Variants in CBL observed in about 807,000 individuals in gnomAD.
CBL encodes the protein E3 ubiquitin-protein ligase CBL.
Under a neutral mutation model 96.9 loss-of-function variants are expected in CBL, and 45 were observed. The ratio of observed to expected loss-of-function variants is 0.46; its 90% CI spans 0.37 to 0.60. The LOEUF (loss-of-function observed/expected upper bound fraction) is 0.60. Among genes scored for constraint, CBL ranks in the 20% least tolerant of loss-of-function variants. The pLI, the probability that CBL is intolerant of heterozygous loss-of-function variation, is 0.00. For missense variants in CBL, 1,024 were observed against 1,143.5 expected (o/e 0.90, Z 1.51); for synonymous variants, 420 against 426.8 (o/e 0.98, Z 0.20).
At position 119,306,499 on chromosome 11, in the gene CBL, GC is replaced by G. The variant is rs1950142677; in HGVS notation, c.*6720del. 2.5e-6 allele frequency: 1 copy of G among 397,432 alleles called. No homozygotes were observed. 24.6% of individuals were successfully genotyped at this position (397,432 alleles called of 1,614,324 possible). Reference sequence around the variant, plus strand: ...ATGCGTGCTATGTGCAACTCCTCAGGCCTTGTGCCACCTCCATGCTGAGCCC... The same window carrying G: ...ATGCGTGCTATGTGCAACTCCTCAGGCTTGTGCCACCTCCATGCTGAGCCC... On this transcript the variant is annotated 3_prime_UTR_variant, in exon 16 of 16. Coordinates refer to ENST00000264033, the MANE Select transcript of CBL (RefSeq NM_005188.4).
rs776804746 is a variant in CBL at position 119,285,320 on chromosome 11, G to A, written c.1695G>A (p.Leu565=). ...AATCCCGACCTCAAAGACGCCCCTT[G>A]CCTTGTACACCAGGCGACTGTCCCT... ...GAESRPQRRP[L]PCTPGDCPSR... is the part of the protein sequence containing the mutation. The change falls in exon 11 of 16, where the codon TTG becomes TTA. Residue 565 remains leucine, a synonymous_variant. Coordinates refer to ENST00000264033, the MANE Select transcript of CBL (RefSeq NM_005188.4). 23 of 1,613,968 alleles carry A rather than the reference G, an allele frequency of 1.4e-5. No individual in the cohort carries two copies. Among genetic ancestry groups the A allele is most frequent in the Non-Finnish European group, 1.9e-5 (22 of 1,180,036 alleles).
At chr11:119,244,129 A>G (rs1380816671) in intron 2 of CBL, among the ~76,000 whole-genome samples, 1 of 152,190 alleles carries the variant, frequency 6.6e-6, no homozygotes. Context: ...TGTTGTAGTA[A>G]TATGATCGCT....
intron 11 of CBL, 82 bp downstream of exon 11, chr11:119,285,648 C>T: frequency 6.6e-7 from 1 of 1,509,894 alleles, no homozygotes; most frequent in Non-Finnish European, 9.0e-7. Flanking sequence ...GTAATCCCAG[C>T]AATTTGGGAG....
chr11:119,281,386 A>G (rs1949932004), intron 9 of CBL, among the ~76,000 whole-genome samples: 1 of 152,148 alleles, frequency 6.6e-6, no homozygotes, highest in South Asian at 2.1e-4. Flanking sequence ...TAGTTACAGA[A>G]TTCTAGATTA....
chr11:119,284,942 A>C lies in CBL; in HGVS notation c.1432-27A>C, dbSNP rs745488770. ...GATGCCATTTCCCCAAACGAAAGTA[A>C]TCTGTTAAATTTTTTATGTACCCTA... On this transcript the variant is annotated intron_variant, in intron 9 of 15. Transcript: ENST00000264033. 4.7e-5 allele frequency: 76 copies of C among 1,613,494 alleles called. 1 individual carries two copies. Among genetic ancestry groups the C allele is most frequent in the Non-Finnish European group, 5.6e-5 (66 of 1,179,934 alleles).
intron 1 of CBL, among the ~76,000 whole-genome samples, chr11:119,231,055 A>ATGC (rs1315222130): frequency 6.6e-6 from 1 of 152,172 alleles, no homozygotes; most frequent in African/African-American, 2.4e-5. Flanking sequence ...TCTCAGCTCT[A>ATGC]TGCTTTACTG....
At position 119,287,920 on chromosome 11, in the gene CBL, C is replaced by G; in HGVS notation, c.2010C>G (p.Ala670=). Residue 670 remains alanine, a synonymous_variant, in exon 12 of 16, where the codon GCC becomes GCG. Transcript: ENST00000264033. ...DHPKIKPSSS[A]NAIYSLAARP... is the part of the protein sequence containing the mutation. Reference sequence around the variant, plus strand: ...CCAAAATCAAACCTTCCTCATCTGCCAATGCCATTTATTCTCTGGCTGCCA... The same window carrying G: ...CCAAAATCAAACCTTCCTCATCTGCGAATGCCATTTATTCTCTGGCTGCCA... 8 of 1,613,048 alleles carry G rather than the reference C, an allele frequency of 5.0e-6. No individual in the cohort carries two copies. The highest frequency in any genetic ancestry group is 3.4e-6 in the Non-Finnish European group (4 of 1,178,996).
chr11:119,234,754 G>A (rs1949529812), intron 2 of CBL, among the ~76,000 whole-genome samples: 2 of 152,194 alleles, frequency 1.3e-5, no homozygotes, highest in Admixed American at 1.3e-4. Context: ...GCAACACAGC[G>A]AGAACTCTTC....
chr11:119,233,920 A>G (rs1055685217), intron 2 of CBL, among the ~76,000 whole-genome samples: 2 of 152,220 alleles, frequency 1.3e-5, no homozygotes, highest in Non-Finnish European at 2.9e-5. Flanking sequence ...ATGATTATCC[A>G]TATTACCGTT....
intron 2 of CBL, among the ~76,000 whole-genome samples, chr11:119,257,097 T>C (rs1222418390): frequency 1.3e-5 from 2 of 152,276 alleles, no homozygotes; most frequent in South Asian, 2.1e-4. Context: ...AGTGGTGGGC[T>C]TGCTGGATTG....
chr11:119,281,615 C>T (rs1253548373), intron 9 of CBL, among the ~76,000 whole-genome samples: 1 of 151,808 alleles, frequency 6.6e-6, no homozygotes, highest in African/African-American at 2.4e-5. Flanking sequence ...CTGCCTCAGC[C>T]TCCTGAGTAG....
At chr11:119,235,065 G>T (rs1949532823) in intron 2 of CBL, among the ~76,000 whole-genome samples, 1 of 152,132 alleles carries the variant, frequency 6.6e-6, no homozygotes, top group Admixed American at 6.6e-5. Flanking sequence ...TCTTATAGAT[G>T]ATAGGCTGTC....
At chr11:119,275,038 A>G in intron 5 of CBL, 85 bp downstream of exon 5, 1 of 1,473,612 alleles carries the variant, frequency 6.8e-7, no homozygotes. Flanking sequence ...CATGACCTTA[A>G]TTAGTTTCGC....
chr11:119,220,188 A>G (rs1949397024), intron 1 of CBL, among the ~76,000 whole-genome samples: 1 of 151,084 alleles, frequency 6.6e-6, no homozygotes, highest in Admixed American at 6.6e-5. Context: ...TTTAGTAGAG[A>G]TGGGGTTTCA....
At position 119,299,646 on chromosome 11, in the gene CBL, G is replaced by A. The variant is rs2135322226; in HGVS notation, c.2586G>A (p.Glu862=). 6.2e-7 allele frequency: 1 copy of A among 1,614,162 alleles called. No homozygotes were observed. The highest frequency in any genetic ancestry group is 8.5e-7 in the Non-Finnish European group (1 of 1,180,016). The change falls in exon 16 of 16, where the codon GAG becomes GAA. Residue 862 remains glutamate (E), a synonymous_variant. Transcript: ENST00000264033. ...CACCTCAGCTCTCCAGTGAGATCGA[G>A]AACCTCATGAGTCAGGGGTACTCCT... ...TASPQLSSEI[E]NLMSQGYSYQ...
chr11:119,271,883 T>C lies in CBL; in HGVS notation c.590+2T>C. 1 of 1,613,762 alleles carries C rather than the reference T, an allele frequency of 6.2e-7. No individual in the cohort carries two copies. Among genetic ancestry groups the C allele is most frequent in the Non-Finnish European group, 8.5e-7 (1 of 1,179,708 alleles). ...TTGGAGAAAAGCTTTTGGGGAAAAGTAAGTCTCAGAATAATGAATTTGAAC... is the reference window on the plus strand; with the variant it reads ...TTGGAGAAAAGCTTTTGGGGAAAAGCAAGTCTCAGAATAATGAATTTGAAC... On this transcript the variant is annotated splice_donor_variant, in intron 3 of 15. Transcript: ENST00000264033. LOFTEE classifies it high-confidence loss of function.
In CBL at chr11:119,301,808, A is replaced by G. The variant is rs1012482215; in HGVS notation, c.*2027A>G. 23 of 233,166 alleles carry G rather than the reference A, an allele frequency of 9.9e-5. No homozygotes were observed. Among genetic ancestry groups the G allele is most frequent in the African/African-American group, 5.1e-4 (23 of 45,356 alleles). The allele number at this position is 233,166 out of a possible 1,614,324, so 14.4% of individuals were successfully genotyped here. ...AATATCAAACAGTAGACCGCCATCA[A>G]CTTCTAACAGCCAGTACACACACTG... On this transcript the variant is annotated 3_prime_UTR_variant, in exon 16 of 16. Transcript: ENST00000264033.
chr11:119,225,523 C>T (rs1395762938), intron 1 of CBL, among the ~76,000 whole-genome samples: 1 of 151,976 alleles, frequency 6.6e-6, no homozygotes, highest in Non-Finnish European at 1.5e-5. Flanking sequence ...CTCAGCATCC[C>T]AAGTAGTTGG....
chr11:119,216,474 C>A (rs575706589), intron 1 of CBL, among the ~76,000 whole-genome samples: 5 of 151,894 alleles, frequency 3.3e-5, no homozygotes, highest in Non-Finnish European at 7.4e-5. Flanking sequence ...CGGGTTCAAG[C>A]GATTGTCCTG....
Sources: allele counts gnomAD v4.1 joint callset (sites outside exome capture counted in the v4.1 genomes callset), GRCh38; gene constraint gnomAD v4.1.1; transcripts MANE v1.5; gene names NCBI Gene and HGNC (gene_info 2026-07-23, HGNC 2026-07-21).